Variants in SMARCA2 observed in about 807,000 individuals in gnomAD.
SMARCA2 encodes SWI/SNF related BAF chromatin remodeling complex subunit ATPase 2.
A neutral mutation model predicts 199.8 loss-of-function variants in SMARCA2; 61 were observed. The observed-to-expected ratio is 0.31, with a 90% CI of 0.25 to 0.38. The LOEUF (loss-of-function observed/expected upper bound fraction) is 0.38, where lower values mean the gene tolerates loss of function less well. Among genes scored for constraint, SMARCA2 ranks in the 10% least tolerant of loss-of-function variants. The pLI, the probability that SMARCA2 is intolerant of heterozygous loss-of-function variation, is 1.00. For missense variants in SMARCA2, 1,344 were observed against 2,012.2 expected, an observed-to-expected ratio of 0.67 and a Z score of 6.35; for synonymous variants, 935 against 732.0, an observed-to-expected ratio of 1.28 and a Z score of -4.48.
intron 9 of SMARCA2, chr9:2,068,868 C>T (rs1458212815): frequency 4.0e-5 from 6 of 151,512 alleles, no homozygotes. Context: ...GATTATTTTG[C>T]GTATATTACA....
At chr9:2,191,614 A>C in intron 33 of SMARCA2, 1 of 453,452 alleles carries the variant, frequency 2.2e-6, no homozygotes. Flanking sequence ...TGCCTTTTTA[A>C]TAGTCTTCAA....
chr9:2,137,006 A>G (rs966689304), intron 27 of SMARCA2, among the ~76,000 whole-genome samples: 8 of 152,186 alleles, frequency 5.3e-5, no homozygotes, highest in African/African-American at 1.9e-4. Context: ...ACAGCAGGCA[A>G]CTGGGTTTAT....
chr9:2,131,911 C>T (rs1823976527), intron 27 of SMARCA2, among the ~76,000 whole-genome samples: 1 of 148,756 alleles, frequency 6.7e-6, no homozygotes, highest in Non-Finnish European at 1.5e-5. Context: ...TGCACTGCAG[C>T]CTGGCGACAG....
intron 27 of SMARCA2, among the ~76,000 whole-genome samples, chr9:2,159,175 T>C (rs148731978): frequency 2.6e-5 from 4 of 152,348 alleles, no homozygotes; most frequent in Admixed American, 1.3e-4. Flanking sequence ...CTTTTCAAAA[T>C]TAAGGCGGGG....
intron 27 of SMARCA2, among the ~76,000 whole-genome samples, chr9:2,145,363 A>AT (rs1185250602): frequency 6.6e-6 from 1 of 151,942 alleles, no homozygotes; most frequent in East Asian, 1.9e-4. Context: ...GAAAGGAGAG[A>AT]TATTTTAAGT....
In SMARCA2 at chr9:2,029,159, C is replaced by T. The variant is rs765745579; in HGVS notation, c.137C>T (p.Pro46Leu). Residue 46 changes from proline (P) to leucine (L), a missense_variant, in exon 2 of 34, where the codon CCA becomes CTA. Pro to Leu is a moderately conservative substitution (Grantham distance 98). This residue lies in a region of SMARCA2 where 275 missense variants were observed against 247.5 expected (regional missense o/e 1.11). Transcript: ENST00000349721. ...GGTTCCGTCCACAGCATGATGGGGC[C>T]AAGTCCTGGACCTCCAAGTGTCTCC... The part of the protein sequence containing the change: ...SPGSVHSMMG[P>L]SPGPPSVSHP... The T allele has an allele frequency of 6.8e-6, 11 of 1,613,106 alleles. No individual in the cohort carries two copies. The South Asian group carries it at 1.2e-4, about 18-fold the overall frequency.
In SMARCA2 at chr9:2,033,404, G is replaced by A. The variant is rs548170577; in HGVS notation, c.355+323G>A. Among the ~76,000 whole-genome samples the A allele has an allele frequency of 2.0e-5, 3 of 152,298 alleles. No individual in the cohort carries two copies. In the South Asian group the frequency reaches 6.2e-4, roughly 32 times the overall value. On this transcript the variant is annotated intron_variant, in intron 3 of 33. Coordinates refer to ENST00000349721, the MANE Select transcript of SMARCA2 (RefSeq NM_003070.5). Reference sequence around the variant, plus strand: ...TTATCCCAGTTTTATAGATAGAGAAGATAAAGCTGGACAATTTACTTTGTT... The same window carrying A: ...TTATCCCAGTTTTATAGATAGAGAAAATAAAGCTGGACAATTTACTTTGTT...
chr9:2,057,336 A>T (rs1476610307), intron 7 of SMARCA2, among the ~76,000 whole-genome samples: 3 of 152,200 alleles, frequency 2.0e-5, no homozygotes, highest in Non-Finnish European at 4.4e-5. Flanking sequence ...TCCCATTCGT[A>T]AGGGCTCTAC....
rs1189901032 is a variant in SMARCA2, at chr9:2,056,386, T to G, written c.1174-286T>G. Among the ~76,000 whole-genome samples the G allele has an allele frequency of 6.6e-6, 1 of 152,210 alleles. No homozygotes were observed. Among genetic ancestry groups the G allele is most frequent in the Non-Finnish European group, 1.5e-5 (1 of 68,032 alleles). ...ATTAGAATAATTAGAGAAAATGAAG[T>G]TATTTAAAAGGCAAGACAACATCTT... On this transcript the variant is annotated intron_variant, in intron 6 of 33. Transcript: ENST00000349721. The surrounding 1 kb of genome is among the most constrained non-coding windows in gnomAD (Gnocchi z 4.0).
intron 14 of SMARCA2, among the ~76,000 whole-genome samples, chr9:2,081,197 C>T (rs1364498668): frequency 4.6e-5 from 7 of 152,268 alleles, no homozygotes; most frequent in South Asian, 4.1e-4. Flanking sequence ...TTGTACTTAA[C>T]GTGGGGAATC....
intron 25 of SMARCA2, among the ~76,000 whole-genome samples, chr9:2,117,508 A>C (rs1378492955): frequency 1.3e-5 from 2 of 152,198 alleles, no homozygotes; most frequent in Non-Finnish European, 1.5e-5. Flanking sequence ...ACACTTGGAC[A>C]TTTCCAAAAA....
chr9:2,101,920 G>C (rs190254183), intron 22 of SMARCA2, among the ~76,000 whole-genome samples: 1 of 152,332 alleles, frequency 6.6e-6, no homozygotes, highest in African/African-American at 2.4e-5. Context: ...CAAAAGTATA[G>C]CTTGGGCTTG....
chr9:2,164,110 T>C (rs893014152), intron 28 of SMARCA2, among the ~76,000 whole-genome samples: 3 of 152,292 alleles, frequency 2.0e-5, no homozygotes, highest in East Asian at 1.9e-4. Context: ...CTCTGTATCA[T>C]CTCTTCAGTA....
At chr9:2,192,241 T>G (rs1240066931) in intron 33 of SMARCA2, 1 of 166,638 alleles carries the variant, frequency 6.0e-6, no homozygotes, top group Non-Finnish European at 1.3e-5. Flanking sequence ...AAGATAAATT[T>G]CCCTTTTCCT....
At position 2,123,692 on chromosome 9, in the gene SMARCA2, C is replaced by G; in HGVS notation, c.3763-27C>G. On this transcript the variant is annotated intron_variant, in intron 26 of 33. Coordinates refer to ENST00000349721, the MANE Select transcript of SMARCA2 (RefSeq NM_003070.5). The surrounding 1 kb of genome is among the most constrained non-coding windows in gnomAD (Gnocchi z 4.1). ...TGCACCATACAGAAGCCCTGACTTT[C>G]GGTGACCCTCTTATTAATGTCTCCA... is the stretch of plus-strand genomic sequence containing the variant. 6.2e-7 allele frequency: 1 copy of G among 1,603,212 alleles called. No homozygotes were observed. The highest frequency in any genetic ancestry group is 2.2e-5 in the East Asian group (1 of 44,742).
At chr9:2,163,545 A>G (rs1158418404) in intron 28 of SMARCA2, among the ~76,000 whole-genome samples, 2 of 152,248 alleles carry the variant, frequency 1.3e-5, no homozygotes, top group East Asian at 3.8e-4. Context: ...TCTAGAAGCC[A>G]GCTTGGATTA....
chr9:2,134,313 A>C (rs1258158581), intron 27 of SMARCA2, among the ~76,000 whole-genome samples: 1 of 152,200 alleles, frequency 6.6e-6, no homozygotes, highest in Non-Finnish European at 1.5e-5. Context: ...CAAGCACTCC[A>C]GCTTGTACTC....
In SMARCA2 at chr9:2,103,159, A is replaced by G. The variant is rs542892169; in HGVS notation, c.3126-844A>G. On this transcript the variant is annotated intron_variant, in intron 22 of 33. Transcript: ENST00000349721. ...TCAGGGAGGTCACCTCTGACACTCT[A>G]AACCAGTGGTTGGCAAACTTTTTCT... Among the ~76,000 whole-genome samples, 3 of 152,264 alleles carry G rather than the reference A, an allele frequency of 2.0e-5. No homozygotes were observed. The South Asian group carries it at 6.2e-4, about 32-fold the overall frequency.
At chr9:2,100,108 G>T (rs1370699417) in intron 21 of SMARCA2, among the ~76,000 whole-genome samples, 3 of 152,224 alleles carry the variant, frequency 2.0e-5, no homozygotes, top group Admixed American at 2.0e-4. Context: ...AGGGAGGAGG[G>T]AAAGCAGAAA....
Sources: gnomAD v4.1 joint callset for allele counts (sites outside exome capture counted in the v4.1 genomes callset) on GRCh38, gnomAD v4.1.1 for gene constraint, gnomAD v4.1.1 regional missense constraint, Gnocchi (gnomAD v3.1) non-coding constraint, MANE v1.5 for transcripts, NCBI Gene and HGNC (gene_info 2026-07-23, HGNC 2026-07-21) for gene names.